The following GPC5 variants were observed in gnomAD, a reference collection of about 807,000 sequenced individuals.
GPC5 encodes the protein glypican-5.
A neutral mutation model predicts 53.9 loss-of-function variants in GPC5; 47 were observed. That is an observed-to-expected ratio of 0.87 (90% confidence interval 0.69 to 1.11). The LOEUF (loss-of-function observed/expected upper bound fraction) is 1.11, where lower values mean the gene tolerates loss of function less well. Among genes scored for constraint, GPC5 ranks in the 50% most tolerant of loss-of-function variants. GPC5 has a pLI of 0.00. For synonymous variants in GPC5, 286 were observed against 263.3 expected, an observed-to-expected ratio of 1.09 and a Z score of -0.84; for missense variants, 748 against 713.1, an observed-to-expected ratio of 1.05 and a Z score of -0.56.
chr13:91,976,428 T>G (rs930933852), intron 6 of GPC5, among the ~76,000 whole-genome samples: 1 of 152,172 alleles, frequency 6.6e-6, no homozygotes, highest in Non-Finnish European at 1.5e-5. Flanking sequence ...AAGAAGGCTT[T>G]AATTGGGTGC....
chr13:91,989,740 A>C (rs994104969), intron 6 of GPC5, among the ~76,000 whole-genome samples: 1 of 152,160 alleles, frequency 6.6e-6, no homozygotes, highest in African/African-American at 2.4e-5. Flanking sequence ...TGCAATTACT[A>C]TTTTGCAAGA....
intron 2 of GPC5, among the ~76,000 whole-genome samples, chr13:91,571,886 CGTGT>C (rs138515249): frequency 1.5e-5 from 1 of 64,982 alleles, no homozygotes; most frequent in Non-Finnish European, 2.6e-5. Flanking sequence ...CACACATATA[CGTGT>C]GTATATACAC....
At chr13:92,761,339 A>G (rs1875167727) in intron 7 of GPC5, among the ~76,000 whole-genome samples, 1 of 152,048 alleles carries the variant, frequency 6.6e-6, no homozygotes, top group Admixed American at 6.6e-5. Flanking sequence ...GGCTCCATTA[A>G]TTTTTGCTTT....
chr13:92,621,818 C>CTAAA (rs1363081451), intron 7 of GPC5, among the ~76,000 whole-genome samples: 9 of 152,082 alleles, frequency 5.9e-5, no homozygotes, highest in Admixed American at 3.9e-4. Context: ...GACCCTGTCA[C>CTAAA]TAAATAAATA....
chr13:92,826,383 C>T (rs72642610), intron 7 of GPC5, among the ~76,000 whole-genome samples: 2,715 of 152,146 alleles, frequency 0.018, 46 homozygotes, highest in Middle Eastern at 0.027. Flanking sequence ...CTGCCAACAA[C>T]GACATAAGCT....
intron 7 of GPC5, among the ~76,000 whole-genome samples, chr13:92,337,399 G>A (rs1225094579): frequency 6.6e-6 from 1 of 152,116 alleles, no homozygotes; most frequent in African/African-American, 2.4e-5. Flanking sequence ...CAATCCCAAT[G>A]AAAATCACAG....
At chr13:92,104,196 G>C (rs373735084) in intron 6 of GPC5, among the ~76,000 whole-genome samples, 2 of 152,040 alleles carry the variant, frequency 1.3e-5, no homozygotes, top group African/African-American at 4.8e-5. Flanking sequence ...CTTCATCCAC[G>C]TATCCCAATG....
chr13:92,393,220 T>TA (rs200094950), intron 7 of GPC5, among the ~76,000 whole-genome samples: 1,695 of 152,056 alleles, frequency 0.011, 29 homozygotes, highest in African/African-American at 0.038. Context: ...TATGCAGCCA[T>TA]AAAAAAGAAT....
chr13:91,572,066 T>C (rs1057196702), intron 2 of GPC5, among the ~76,000 whole-genome samples: 4 of 145,562 alleles, frequency 2.7e-5, no homozygotes, highest in African/African-American at 7.7e-5. Flanking sequence ...TATATACATG[T>C]ATATACACAC....
chr13:91,798,260 GT>G (rs1442080573), intron 5 of GPC5, among the ~76,000 whole-genome samples: 2 of 152,244 alleles, frequency 1.3e-5, no homozygotes, highest in Non-Finnish European at 2.9e-5. Flanking sequence ...TGCCATGGTG[GT>G]TTGCAGAACA....
At chr13:91,782,342 A>G (rs1174104306) in intron 5 of GPC5, among the ~76,000 whole-genome samples, 1 of 152,190 alleles carries the variant, frequency 6.6e-6, no homozygotes, top group East Asian at 1.9e-4. Context: ...GCCCATTTAT[A>G]AAAGAAAGAG....
At chr13:91,404,320 C>T (rs766394568) in intron 1 of GPC5, among the ~76,000 whole-genome samples, 3 of 152,116 alleles carry the variant, frequency 2.0e-5, no homozygotes, top group Admixed American at 6.5e-5. Context: ...ACTGTTCAAC[C>T]GACAAACAAC....
intron 2 of GPC5, among the ~76,000 whole-genome samples, chr13:91,560,607 G>T (rs1157519787): frequency 6.6e-6 from 1 of 152,072 alleles, no homozygotes; most frequent in Non-Finnish European, 1.5e-5. Flanking sequence ...AGCTTCATTT[G>T]TCAAACCAGT....
chr13:91,688,248 T>G (rs2035664976), intron 2 of GPC5, among the ~76,000 whole-genome samples: 2 of 152,210 alleles, frequency 1.3e-5, no homozygotes, highest in South Asian at 2.1e-4. Flanking sequence ...GGCTCCTAGA[T>G]TGTTCATTTT....
chr13:91,484,655 G>C (rs1017111495), intron 2 of GPC5, among the ~76,000 whole-genome samples: 2 of 152,102 alleles, frequency 1.3e-5, no homozygotes, highest in African/African-American at 2.4e-5. Context: ...GAGAGACTGT[G>C]GCAAAGAAGT....
chr13:92,510,843 A>G (rs1880538126), intron 7 of GPC5, among the ~76,000 whole-genome samples: 2 of 152,196 alleles, frequency 1.3e-5, no homozygotes, highest in African/African-American at 4.8e-5. Flanking sequence ...TACCAAATCA[A>G]TCAGTCCATG....
At chr13:91,541,762 A>G (rs1594229134) in intron 2 of GPC5, among the ~76,000 whole-genome samples, 3 of 152,130 alleles carry the variant, frequency 2.0e-5, no homozygotes, top group Non-Finnish European at 1.5e-5. Flanking sequence ...TAATACACAT[A>G]TAACTTCTAG....
chr13:92,799,183 G>A (rs1876812020), intron 7 of GPC5, among the ~76,000 whole-genome samples: 1 of 151,648 alleles, frequency 6.6e-6, no homozygotes, highest in South Asian at 2.1e-4. Context: ...TAAGTGGGAA[G>A]GTGGCTGGCC....
At chr13:92,619,010 T>C (rs1349001547) in intron 7 of GPC5, among the ~76,000 whole-genome samples, 1 of 152,002 alleles carries the variant, frequency 6.6e-6, no homozygotes, top group Non-Finnish European at 1.5e-5. Flanking sequence ...ATCACAACTG[T>C]CACTTTATAA....
Sources: allele counts gnomAD v4.1 joint callset (sites outside exome capture counted in the v4.1 genomes callset), GRCh38; gene constraint gnomAD v4.1.1; transcripts MANE v1.5; gene names NCBI Gene and HGNC (gene_info 2026-07-23, HGNC 2026-07-21).